The following PPARGC1A variants were observed in gnomAD, a reference collection of about 807,000 sequenced individuals.
PPARGC1A encodes peroxisome proliferator-activated receptor gamma coactivator 1-alpha.
PPARGC1A carries 25 observed loss-of-function variants against 88.7 expected under a neutral mutation model. The observed-to-expected ratio is 0.28, with a 90% CI of 0.21 to 0.39. The LOEUF is 0.39. PPARGC1A is among the 10% of genes least tolerant of loss of function. The probability of loss-of-function intolerance (pLI) is 1.00; values close to 1 mark genes in which losing one functional copy is unlikely to be tolerated. For synonymous variants in PPARGC1A, 363 were observed against 355.6 expected (o/e 1.02, Z -0.24); for missense variants, 880 against 968.7 (o/e 0.91, Z 1.22).
At chr4:24,412,129 C>T in the PPARGC1A span, among the ~76,000 whole-genome samples, 3 of 152,038 alleles carry the variant, frequency 2.0e-5, no homozygotes, top group Non-Finnish European at 4.4e-5. Flanking sequence ...TGCATTCCCA[C>T]CAGCAATGAA....
chr4:23,906,561 G>A (rs1025251115), upstream of PPARGC1A, among the ~76,000 whole-genome samples: 5 of 147,136 alleles, frequency 3.4e-5, no homozygotes, highest in East Asian at 4.1e-4. Context: ...GGGCCTTGAC[G>A]GTGCTACGCA....
At chr4:24,436,701 C>T in the PPARGC1A span, among the ~76,000 whole-genome samples, 268 of 141,536 alleles carry the variant, frequency 1.9e-3, 2 homozygotes, top group Middle Eastern at 0.014. Context: ...CCCCAGAGCC[C>T]GGGTCACAGA....
At chr4:24,126,534 T>C in the PPARGC1A span, among the ~76,000 whole-genome samples, 1 of 152,144 alleles carries the variant, frequency 6.6e-6, no homozygotes, top group Non-Finnish European at 1.5e-5. Flanking sequence ...CTCTAGGATA[T>C]ATGAGTCTCA....
the PPARGC1A span, among the ~76,000 whole-genome samples, chr4:24,445,722 C>T: frequency 4.6e-5 from 7 of 152,166 alleles, no homozygotes; most frequent in East Asian, 5.8e-4. Flanking sequence ...GAAGGGGATG[C>T]CTTCATTTGC....
the PPARGC1A span, among the ~76,000 whole-genome samples, chr4:23,910,343 A>ATATATATTATATATTATATATATTATAT: frequency 3.4e-5 from 2 of 58,872 alleles, no homozygotes; most frequent in East Asian, 5.6e-4. Flanking sequence ...TATATATATT[A>ATATATATTATATATTATATATATTATAT]TATATTATAT....
At chr4:24,084,677 G>T in the PPARGC1A span, among the ~76,000 whole-genome samples, 1 of 152,160 alleles carries the variant, frequency 6.6e-6, no homozygotes, top group Non-Finnish European at 1.5e-5. Context: ...GTCTCTCCCA[G>T]CCTTATGAAT....
intron 2 of PPARGC1A, among the ~76,000 whole-genome samples, chr4:23,865,672 G>A (rs556144952): frequency 7.9e-5 from 12 of 152,164 alleles, no homozygotes; most frequent in South Asian, 2.1e-4. Flanking sequence ...ACCTCTTACC[G>A]CACCTGGCAT....
chr4:23,976,613 G>A, the PPARGC1A span, among the ~76,000 whole-genome samples: 1 of 152,216 alleles, frequency 6.6e-6, no homozygotes, highest in Non-Finnish European at 1.5e-5. Context: ...CTTTAAGGAA[G>A]TAAGTAAGGT....
chr4:23,822,407 A>G (rs1459043215), intron 7 of PPARGC1A, among the ~76,000 whole-genome samples: 1 of 152,002 alleles, frequency 6.6e-6, no homozygotes. Flanking sequence ...CTTTCCATGA[A>G]TCACCTCTGT....
At chr4:24,249,134 T>C in the PPARGC1A span, among the ~76,000 whole-genome samples, 1 of 152,158 alleles carries the variant, frequency 6.6e-6, no homozygotes, top group African/African-American at 2.4e-5. Context: ...CTGCAGTCTG[T>C]CAAATGTCAC....
the PPARGC1A span, among the ~76,000 whole-genome samples, chr4:24,029,267 G>C: frequency 6.6e-6 from 1 of 152,214 alleles, no homozygotes; most frequent in Non-Finnish European, 1.5e-5. Context: ...AGCCAGATCA[G>C]TGGGCTCCCA....
chr4:24,242,507 A>G, the PPARGC1A span, among the ~76,000 whole-genome samples: 2 of 152,060 alleles, frequency 1.3e-5, no homozygotes, highest in Non-Finnish European at 2.9e-5. Flanking sequence ...AGATGTCACG[A>G]TCTCCATAAA....
chr4:24,008,353 TC>T, the PPARGC1A span, among the ~76,000 whole-genome samples: 16 of 152,168 alleles, frequency 1.1e-4, no homozygotes, highest in African/African-American at 3.4e-4. Flanking sequence ...GAGCTTTTTT[TC>T]CCCCTTGGCA....
chr4:24,280,538 C>T, the PPARGC1A span, among the ~76,000 whole-genome samples: 2 of 151,948 alleles, frequency 1.3e-5, no homozygotes, highest in Admixed American at 1.3e-4. Flanking sequence ...GAAAGGAAGG[C>T]AGAGAAAGAG....
At chr4:24,131,165 A>C in the PPARGC1A span, among the ~76,000 whole-genome samples, 3 of 152,300 alleles carry the variant, frequency 2.0e-5, no homozygotes, top group East Asian at 5.8e-4. Flanking sequence ...TGCCAGGCAC[A>C]CAGTGCTTCT....
chr4:24,471,591 G>A, the PPARGC1A span, among the ~76,000 whole-genome samples: 4 of 152,152 alleles, frequency 2.6e-5, no homozygotes, highest in African/African-American at 7.2e-5. This position sits in a 1 kb window ranked among gnomAD's most constrained non-coding sequence, Gnocchi z 5.4. Context: ...CAGGTTACCA[G>A]TGGCCCGCTG....
the PPARGC1A span, among the ~76,000 whole-genome samples, chr4:24,257,380 G>A: frequency 6.6e-6 from 1 of 152,148 alleles, no homozygotes; most frequent in East Asian, 1.9e-4. Context: ...AAGGGTGACA[G>A]CCACCTTTTA....
chr4:24,160,817 A>T, the PPARGC1A span, among the ~76,000 whole-genome samples: 1 of 152,168 alleles, frequency 6.6e-6, no homozygotes, highest in South Asian at 2.1e-4. Flanking sequence ...ACAAGCTGCA[A>T]TTTAGAAATA....
At chr4:24,419,196 C>T in the PPARGC1A span, among the ~76,000 whole-genome samples, 4 of 152,010 alleles carry the variant, frequency 2.6e-5, no homozygotes, top group African/African-American at 7.2e-5. Context: ...CTACTGAGAA[C>T]ATTTCCAGCA....
Sources: gnomAD v4.1 joint callset for allele counts (sites outside exome capture counted in the v4.1 genomes callset) on GRCh38, gnomAD v4.1.1 for gene constraint, Gnocchi (gnomAD v3.1) non-coding constraint, MANE v1.5 for transcripts, NCBI Gene and HGNC (gene_info 2026-07-23, HGNC 2026-07-21) for gene names.